Variants in PAK2 observed in about 807,000 individuals in gnomAD.
PAK2 encodes p21 (RAC1) activated kinase 2, also known as serine/threonine-protein kinase PAK 2.
In PAK2, 21 loss-of-function variants were observed where a neutral mutation model predicts 65.9. The observed-to-expected ratio is 0.32, with a 90% CI of 0.23 to 0.46. The LOEUF (loss-of-function observed/expected upper bound fraction) is 0.46. PAK2 is among the 20% of genes least tolerant of loss of function. The probability of loss-of-function intolerance (pLI) is 1.00; values close to 1 mark genes in which losing one functional copy is unlikely to be tolerated. For synonymous variants in PAK2, 204 were observed against 219.7 expected, an observed-to-expected ratio of 0.93 and a Z score of 0.63; for missense variants, 324 against 642.6, an observed-to-expected ratio of 0.50 and a Z score of 5.36.
intron 1 of PAK2, among the ~76,000 whole-genome samples, chr3:196,746,162 T>C (rs1448634636): frequency 6.6e-6 from 1 of 151,960 alleles, no homozygotes; most frequent in Admixed American, 6.6e-5. Flanking sequence ...TGGCCTGAAG[T>C]TCCAAGACTT....
Position 196,806,680 on chromosome 3 carries a change from G to A in PAK2, c.570G>A (p.Thr190=), listed in dbSNP as rs141767764. 4.4e-5 allele frequency: 70 copies of A among 1,575,560 alleles called. No individual in the cohort carries two copies. The highest frequency in any genetic ancestry group is 2.7e-4 in the African/African-American group (20 of 74,252). ...PPVIAPRPDH[T]KSIYTRSVID... ...TTATTGCCCCGCGACCGGATCATAC[G>A]AAATCAGTGAGTCTCCATCGGTGAT... The change falls in exon 6 of 15, where the codon ACG becomes ACA. Residue 190 remains threonine (T), a synonymous_variant. Transcript: ENST00000327134.
chr3:196,823,462 C>A lies in PAK2; in HGVS notation c.1350+2895C>A, dbSNP rs1289193368. 3.9e-5 allele frequency among the ~76,000 whole-genome samples: 6 copies of A among 152,066 alleles called. No individual in the cohort carries two copies. In the East Asian group the frequency reaches 1.2e-3, roughly 29 times the overall value. ...CGGTAAAATCACCAGCGCCAAGCTC[C>A]TATCAGCAGATCCAGAAGCTGATCA... On this transcript the variant is annotated intron_variant, in intron 13 of 14. Transcript: ENST00000327134.
At chr3:196,779,254 G>A (rs533738245) in intron 1 of PAK2, among the ~76,000 whole-genome samples, 11 of 152,224 alleles carry the variant, frequency 7.2e-5, no homozygotes, top group East Asian at 5.8e-4. Context: ...ACTTTGGGTC[G>A]TAATCTAATA....
chr3:196,755,456 AC>A (rs1379982851), intron 1 of PAK2, among the ~76,000 whole-genome samples: 2 of 92,266 alleles, frequency 2.2e-5, no homozygotes, highest in Non-Finnish European at 3.9e-5. Context: ...TCTTCTTCCG[AC>A]TTTTTTTTTT....
At position 196,745,818 on chromosome 3, in the gene PAK2, T is replaced by TAAA. The variant is rs747996109; in HGVS notation, c.-22+5672_-22+5674dup. On this transcript the variant is annotated intron_variant, in intron 1 of 14. Coordinates refer to ENST00000327134, the MANE Select transcript of PAK2 (RefSeq NM_002577.4). Reference sequence around the variant, plus strand: ...AACAGAACGAGACTCCATCTCTAAGTAAAAAAAAAAAAAGAAGAAGTAGTA... The same window carrying TAAA: ...AACAGAACGAGACTCCATCTCTAAGTAAAAAAAAAAAAAAAAGAAGAAGTAGTA... 1.2e-3 allele frequency among the ~76,000 whole-genome samples: 177 copies of TAAA among 142,184 alleles called. 6 individuals carry two copies. The highest frequency in any genetic ancestry group is 1.2e-3 in the Non-Finnish European group (81 of 65,564). 93.3% of individuals were successfully genotyped at this position (142,184 alleles called of 152,430 possible). A position where few individuals can be genotyped will look rare whatever the true frequency, so the allele number is the denominator to read the frequency against.
rs752133077 is a variant in PAK2, at chr3:196,767,684, C to T, written c.-21-14942C>T. Among the ~76,000 whole-genome samples, 85 of 152,064 alleles carry T rather than the reference C, an allele frequency of 5.6e-4. 1 individual carries two copies. Among genetic ancestry groups the T allele is most frequent in the African/African-American group, 1.9e-3 (79 of 41,388 alleles). On this transcript the variant is annotated intron_variant, in intron 1 of 14. Transcript: ENST00000327134. ...TTTCTGTGTGTGCTTTTAGTAGAGA[C>T]GGGGTTTCATCATGTTAGCCAGGAT...
At chr3:196,796,888 T>A (rs1384389438) in intron 2 of PAK2, among the ~76,000 whole-genome samples, 1 of 152,160 alleles carries the variant, frequency 6.6e-6, no homozygotes. Flanking sequence ...TAAGATGATA[T>A]AATAGAACTA....
intron 1 of PAK2, among the ~76,000 whole-genome samples, chr3:196,758,949 C>T (rs1713853590): frequency 6.6e-6 from 1 of 152,192 alleles, no homozygotes; most frequent in Non-Finnish European, 1.5e-5. Flanking sequence ...TGAGCCACCA[C>T]ACCCGTCCAA....
intron 1 of PAK2, among the ~76,000 whole-genome samples, chr3:196,773,542 A>T (rs1381262533): frequency 2.0e-5 from 3 of 152,104 alleles, no homozygotes; most frequent in Non-Finnish European, 4.4e-5. Flanking sequence ...ATTTTTGTTA[A>T]TATGGGGTAG....
intron 13 of PAK2, among the ~76,000 whole-genome samples, chr3:196,824,553 T>G (rs1711765093): frequency 6.6e-6 from 1 of 152,154 alleles, no homozygotes; most frequent in South Asian, 2.1e-4. Context: ...TAAAAATGAT[T>G]AGTGGTTATG....
At chr3:196,769,224 G>A (rs1182169053) in intron 1 of PAK2, among the ~76,000 whole-genome samples, 1 of 151,666 alleles carries the variant, frequency 6.6e-6, no homozygotes, top group African/African-American at 2.4e-5. Context: ...CCACTCGGAG[G>A]CTGAGGTGGG....
At chr3:196,743,032 T>A (rs1041463686) in intron 1 of PAK2, among the ~76,000 whole-genome samples, 2 of 152,214 alleles carry the variant, frequency 1.3e-5, no homozygotes, top group African/African-American at 4.8e-5. Flanking sequence ...AGGGAGGGTG[T>A]TAATTGCAAA....
At chr3:196,758,817 G>A (rs1469659928) in intron 1 of PAK2, among the ~76,000 whole-genome samples, 1 of 151,892 alleles carries the variant, frequency 6.6e-6, no homozygotes, top group Non-Finnish European at 1.5e-5. Context: ...GATCACGCCT[G>A]GCTAAATTTT....
chr3:196,809,765 T>G (rs1715714142), intron 7 of PAK2, among the ~76,000 whole-genome samples: 1 of 152,118 alleles, frequency 6.6e-6, no homozygotes, highest in African/African-American at 2.4e-5. Context: ...CTCTTATTAT[T>G]GATCCTGTTT....
At chr3:196,796,834 A>T (rs1220187863) in intron 2 of PAK2, among the ~76,000 whole-genome samples, 2 of 152,242 alleles carry the variant, frequency 1.3e-5, no homozygotes, top group Non-Finnish European at 2.9e-5. Flanking sequence ...ACTATCAGTG[A>T]TAATAAGGAA....
intron 13 of PAK2, among the ~76,000 whole-genome samples, chr3:196,826,709 T>G (rs1711889595): frequency 6.6e-6 from 1 of 151,834 alleles, no homozygotes; most frequent in Admixed American, 6.6e-5. Flanking sequence ...TCATTTGAGG[T>G]CAGGAGTTCA....
intron 2 of PAK2, among the ~76,000 whole-genome samples, chr3:196,793,448 A>G (rs1297721924): frequency 2.0e-5 from 3 of 152,204 alleles, no homozygotes; most frequent in Non-Finnish European, 4.4e-5. Flanking sequence ...CCTTGCATGC[A>G]TGCTGTCCTT....
chr3:196,828,987 T>G lies in PAK2; in HGVS notation c.*582T>G, dbSNP rs1711975712. On this transcript the variant is annotated 3_prime_UTR_variant, in exon 15 of 15. Transcript: ENST00000327134. ...GCTGTTGTTACATGTAATATTTTAGTTCAGAACTTGACCTGAAGGAAGGGA... is the reference window on the plus strand; with the variant it reads ...GCTGTTGTTACATGTAATATTTTAGGTCAGAACTTGACCTGAAGGAAGGGA... 6.5e-6 allele frequency: 1 copy of G among 152,710 alleles called. No homozygotes were observed. The highest frequency in any genetic ancestry group is 1.5e-5 in the Non-Finnish European group (1 of 68,072). 9.5% of individuals were successfully genotyped at this position (152,710 alleles called of 1,614,324 possible).
chr3:196,790,825 T>C (rs1166184496), intron 2 of PAK2, among the ~76,000 whole-genome samples: 1 of 152,184 alleles, frequency 6.6e-6, no homozygotes, highest in African/African-American at 2.4e-5. Flanking sequence ...CTGTGGGTAA[T>C]TCACCTGGTC....
Sources: gnomAD v4.1 joint callset for allele counts (sites outside exome capture counted in the v4.1 genomes callset) on GRCh38, gnomAD v4.1.1 for gene constraint, MANE v1.5 for transcripts, NCBI Gene and HGNC (gene_info 2026-07-23, HGNC 2026-07-21) for gene names.